Variants in MSI2 observed in about 807,000 individuals in gnomAD.
The protein encoded by MSI2 is RNA-binding protein Musashi homolog 2.
MSI2 carries 17 observed loss-of-function variants against 45.6 expected under a neutral mutation model. The observed-to-expected ratio is 0.37, with a 90% CI of 0.26 to 0.56. The LOEUF is 0.56. Ranked by LOEUF, MSI2 falls within the 20% of genes least tolerant of loss-of-function variation. The pLI, the probability that MSI2 is intolerant of heterozygous loss-of-function variation, is 0.77. For synonymous variants in MSI2, 156 were observed against 158.2 expected, an observed-to-expected ratio of 0.99 and a Z score of 0.11; for missense variants, 293 against 444.2, an observed-to-expected ratio of 0.66 and a Z score of 3.06.
chr17:57,478,084 T>A (rs1012201301), intron 6 of MSI2, among the ~76,000 whole-genome samples: 1 of 152,040 alleles, frequency 6.6e-6, no homozygotes, highest in African/African-American at 2.4e-5. Flanking sequence ...CCAGAGAAGC[T>A]CTCGGGTCAT....
chr17:57,432,280 C>T (rs938109630), intron 6 of MSI2, among the ~76,000 whole-genome samples: 2 of 152,154 alleles, frequency 1.3e-5, no homozygotes, highest in Non-Finnish European at 1.5e-5. Context: ...TGCTCAGGGT[C>T]GGTGGCCCAG....
chr17:57,306,171 C>T (rs985074387), intron 5 of MSI2, among the ~76,000 whole-genome samples: 1 of 151,940 alleles, frequency 6.6e-6, no homozygotes, highest in African/African-American at 2.4e-5. Context: ...AATCAGGTCC[C>T]ACTGGCTCCT....
chr17:57,356,817 G>A lies in MSI2; in HGVS notation c.313-44562G>A, dbSNP rs138285365. Among the ~76,000 whole-genome samples the A allele has an allele frequency of 3.3e-5, 5 of 152,208 alleles. No homozygotes were observed. In the East Asian group the frequency reaches 5.8e-4, roughly 18 times the overall value. On this transcript the variant is annotated intron_variant, in intron 5 of 13. Transcript: ENST00000284073. ...TACAGGTGTATGAAAATGTTAAGCC[G>A]TGTATTGTATTTGAGAGTTTGAAAA...
intron 5 of MSI2, among the ~76,000 whole-genome samples, chr17:57,356,291 G>A (rs778056533): frequency 2.2e-4 from 33 of 152,060 alleles, no homozygotes; most frequent in Non-Finnish European, 3.8e-4. Context: ...CTTTTTTGGC[G>A]GGCATGTTTC....
chr17:57,561,046 T>C (rs142578348), intron 7 of MSI2, among the ~76,000 whole-genome samples: 1 of 152,194 alleles, frequency 6.6e-6, no homozygotes, highest in Non-Finnish European at 1.5e-5. Context: ...ATGAAGCAAA[T>C]GGCGGTGAGG....
intron 7 of MSI2, among the ~76,000 whole-genome samples, chr17:57,572,610 G>C (rs1039488032): frequency 2.0e-5 from 3 of 152,210 alleles, no homozygotes; most frequent in African/African-American, 7.2e-5. Context: ...ATAAGCAGGT[G>C]CTAAACCAAT....
intron 6 of MSI2, among the ~76,000 whole-genome samples, chr17:57,468,101 G>A (rs2085361771): frequency 6.6e-6 from 1 of 151,800 alleles, no homozygotes; most frequent in Non-Finnish European, 1.5e-5. Context: ...TTGAATCTCT[G>A]GTGCCACCAT....
intron 5 of MSI2, among the ~76,000 whole-genome samples, chr17:57,395,120 G>A (rs935146332): frequency 6.6e-6 from 1 of 152,172 alleles, no homozygotes; most frequent in African/African-American, 2.4e-5. Context: ...TCAAGGCCCT[G>A]CCTTCATCTG....
intron 5 of MSI2, among the ~76,000 whole-genome samples, chr17:57,362,944 G>A (rs1916919274): frequency 6.6e-6 from 1 of 152,192 alleles, no homozygotes; most frequent in South Asian, 2.1e-4. Flanking sequence ...ACTGTACAAA[G>A]CACTGTGGTA....
At chr17:57,491,360 C>T (rs572942871) in intron 6 of MSI2, among the ~76,000 whole-genome samples, 2 of 152,338 alleles carry the variant, frequency 1.3e-5, no homozygotes, top group African/African-American at 4.8e-5. Context: ...CCAGATCCTA[C>T]ATAGCTGCAA....
At chr17:57,323,071 G>T (rs1913480786) in intron 5 of MSI2, among the ~76,000 whole-genome samples, 1 of 151,954 alleles carries the variant, frequency 6.6e-6, no homozygotes, top group Admixed American at 6.6e-5. Flanking sequence ...GGGTACCGGG[G>T]GTTCATTCTC....
chr17:57,358,179 G>A (rs764527188), intron 5 of MSI2, among the ~76,000 whole-genome samples: 3 of 137,086 alleles, frequency 2.2e-5, no homozygotes, highest in Non-Finnish European at 4.6e-5. Context: ...AAAGATCTTC[G>A]TGGGTTTTTC....
chr17:57,434,800 A>G (rs1291393910), intron 6 of MSI2, among the ~76,000 whole-genome samples: 3 of 150,622 alleles, frequency 2.0e-5, no homozygotes, highest in Non-Finnish European at 4.4e-5. Context: ...TTATCCATTT[A>G]CCCATCGATG....
At chr17:57,550,157 C>T (rs2087270020) in intron 7 of MSI2, among the ~76,000 whole-genome samples, 1 of 152,194 alleles carries the variant, frequency 6.6e-6, no homozygotes, top group South Asian at 2.1e-4. Flanking sequence ...AAGACAAACG[C>T]CCCTTTTAAG....
intron 8 of MSI2, among the ~76,000 whole-genome samples, chr17:57,597,324 T>TGATCTGTG (rs1374600031): frequency 1.3e-5 from 2 of 152,000 alleles, no homozygotes; most frequent in African/African-American, 4.8e-5. Flanking sequence ...TATTAATTTT[T>TGATCTGTG]TAACCACTTA....
chr17:57,537,041 T>A (rs1248818558), intron 7 of MSI2, among the ~76,000 whole-genome samples: 2 of 152,222 alleles, frequency 1.3e-5, no homozygotes, highest in Non-Finnish European at 2.9e-5. Flanking sequence ...AGAGCTGTGA[T>A]GTGGTCATTC....
intron 10 of MSI2, chr17:57,633,030 G>A: frequency 1.9e-6 from 2 of 1,044,138 alleles, no homozygotes; most frequent in Non-Finnish European, 2.3e-6. Flanking sequence ...TTGCTTTGGT[G>A]AACTTGTCCT....
At chr17:57,500,720 C>G (rs1263849606) in intron 6 of MSI2, among the ~76,000 whole-genome samples, 2 of 148,714 alleles carry the variant, frequency 1.3e-5, no homozygotes. Context: ...CACCTGTTAT[C>G]TCAGTGTTTT....
chr17:57,630,970 G>A (rs1909313443), intron 10 of MSI2: 1 of 152,260 alleles, frequency 6.6e-6, no homozygotes, highest in Admixed American at 6.5e-5. Context: ...CCATCAGGTA[G>A]ATTCTGCGAA....
Sources: gnomAD v4.1 joint callset for allele counts (sites outside exome capture counted in the v4.1 genomes callset) on GRCh38, gnomAD v4.1.1 for gene constraint, MANE v1.5 for transcripts, NCBI Gene and HGNC (gene_info 2026-07-23, HGNC 2026-07-21) for gene names.